Variants in SMAD9 observed in about 807,000 individuals in gnomAD.
SMAD9 encodes SMAD family member 9.
In SMAD9, 36 loss-of-function variants were observed where a neutral mutation model predicts 46.1. That is an observed-to-expected ratio of 0.78 (90% CI 0.60 to 1.03). The LOEUF (loss-of-function observed/expected upper bound fraction) is 1.03, where lower values mean the gene tolerates loss of function less well. Among genes scored for constraint, SMAD9 ranks in the 50% least tolerant of loss-of-function variants. The pLI, the probability that SMAD9 is intolerant of heterozygous loss-of-function variation, is 0.00. For synonymous variants in SMAD9, 245 were observed against 237.1 expected, an observed-to-expected ratio of 1.03 and a Z score of -0.31; for missense variants, 572 against 599.8, an observed-to-expected ratio of 0.95 and a Z score of 0.48.
At chr13:36,858,896 G>A (rs1342082390) in intron 5 of SMAD9, among the ~76,000 whole-genome samples, 1 of 152,056 alleles carries the variant, frequency 6.6e-6, no homozygotes. Context: ...ATTTTTTGTA[G>A]TGACAGGGTC....
At chr13:36,875,696 C>A (rs2058340012) in intron 2 of SMAD9, among the ~76,000 whole-genome samples, 1 of 152,176 alleles carries the variant, frequency 6.6e-6, no homozygotes, top group Non-Finnish European at 1.5e-5. Context: ...ACACTCACTT[C>A]TTTATGAAGA....
chr13:36,919,956 A>C (rs550375290), intron 1 of SMAD9, among the ~76,000 whole-genome samples, 160 bp downstream of exon 1: 331 of 150,914 alleles, frequency 2.2e-3, no homozygotes, highest in African/African-American at 7.4e-3. Context: ...CCTCCACTCA[A>C]TGCGCTCACA....
At position 36,884,728 on chromosome 13, in the gene SMAD9, T is replaced by C. The variant is rs75969572; in HGVS notation, c.-186-4853A>G. 2.8e-4 allele frequency among the ~76,000 whole-genome samples: 43 copies of C among 152,338 alleles called. No individual in the cohort carries two copies. The East Asian group carries it at 8.3e-3, about 29-fold the overall frequency. ...TTACTGAAGATGATTTCCACTCAGT[T>C]GGTCTCCTTGGAAGGTTCAGTTGGT... On this transcript the variant is annotated intron_variant, in intron 1 of 6. Transcript: ENST00000379826.
At chr13:36,863,738 T>C (rs1182561779) in intron 5 of SMAD9, among the ~76,000 whole-genome samples, 1 of 152,106 alleles carries the variant, frequency 6.6e-6, no homozygotes, top group Non-Finnish European at 1.5e-5. Flanking sequence ...TCTTCCCAGG[T>C]GACACACAGG....
At chr13:36,865,249 A>T (rs1010163520) in intron 5 of SMAD9, among the ~76,000 whole-genome samples, 6 of 152,288 alleles carry the variant, frequency 3.9e-5, no homozygotes, top group Admixed American at 2.0e-4. Flanking sequence ...CTATTTAATA[A>T]TTTCATCCGG....
At chr13:36,919,518 G>A (rs1488071823) in intron 1 of SMAD9, among the ~76,000 whole-genome samples, 2 of 152,144 alleles carry the variant, frequency 1.3e-5, no homozygotes, top group East Asian at 1.9e-4. Context: ...CGAAACAGAA[G>A]GCAAGTGAGG....
intron 5 of SMAD9, among the ~76,000 whole-genome samples, chr13:36,860,646 G>C (rs993212455): frequency 4.0e-5 from 6 of 151,606 alleles, no homozygotes; most frequent in African/African-American, 1.5e-4. Context: ...GTAGAGACGG[G>C]GTTTCAGTGT....
chr13:36,880,259 CTT>C (rs1476659113), intron 1 of SMAD9, among the ~76,000 whole-genome samples: 1 of 152,140 alleles, frequency 6.6e-6, no homozygotes, highest in Non-Finnish European at 1.5e-5. Flanking sequence ...TAGCATCTCT[CTT>C]TCTCTCTTTC....
At chr13:36,890,031 T>A (rs1315042140) in intron 1 of SMAD9, among the ~76,000 whole-genome samples, 1 of 152,202 alleles carries the variant, frequency 6.6e-6, no homozygotes, top group Non-Finnish European at 1.5e-5. Flanking sequence ...AAAATCTGAT[T>A]CACAGACAGC....
chr13:36,879,401 G>A lies in SMAD9; in HGVS notation c.289C>T (p.Arg97Cys), dbSNP rs1483291649. The change falls in exon 2 of 7, where the codon CGC becomes TGC. Residue 97 changes from arginine (R) to cysteine (C), a missense_variant. Transcript: ENST00000379826. ...LPHVIYCRVW[R>C]WPDLQSHHEL... Reference sequence around the variant, plus strand: ...TGGTGGGACTGCAGATCCGGCCAGCGCCACACGCGACAGTAAATCACATGG... The same window carrying A: ...TGGTGGGACTGCAGATCCGGCCAGCACCACACGCGACAGTAAATCACATGG... The A allele has an allele frequency of 6.8e-6, 11 of 1,613,838 alleles. No homozygotes were observed. Among genetic ancestry groups the A allele is most frequent in the Admixed American group, 5.0e-5 (3 of 60,014 alleles).
intron 1 of SMAD9, among the ~76,000 whole-genome samples, chr13:36,894,084 T>C (rs928629421): frequency 6.6e-6 from 1 of 152,166 alleles, no homozygotes; most frequent in African/African-American, 2.4e-5. Context: ...AGAATTTTAA[T>C]CCATAACTAG....
Position 36,872,655 on chromosome 13 carries a change from G to A in SMAD9, c.670+3C>T, listed in dbSNP as rs369654836. 5.6e-6 allele frequency: 9 copies of A among 1,613,746 alleles called. No individual in the cohort carries two copies. Among genetic ancestry groups the A allele is most frequent in the Middle Eastern group, 1.6e-4 (1 of 6,084 alleles). ...TTCCCCACAGACCATAGTTCTTACT[G>A]ACCTGAGTGTTGATAGGGACTCTCT... On this transcript the variant is annotated splice_donor_region_variant and intron_variant, in intron 3 of 6. Transcript: ENST00000379826.
intron 1 of SMAD9, among the ~76,000 whole-genome samples, chr13:36,904,287 A>ATTC (rs1269266015): frequency 6.6e-6 from 1 of 152,234 alleles, no homozygotes; most frequent in Non-Finnish European, 1.5e-5. Flanking sequence ...GGTGGGAGTT[A>ATTC]GATATGCGAC....
At chr13:36,901,366 T>C (rs1037076522) in intron 1 of SMAD9, among the ~76,000 whole-genome samples, 1 of 152,118 alleles carries the variant, frequency 6.6e-6, no homozygotes, top group Admixed American at 6.5e-5. Flanking sequence ...GTTTTTATTA[T>C]AGCATCTTAG....
In SMAD9 at chr13:36,852,132, A is replaced by C. The variant is rs2058079667; in HGVS notation, c.1260+1287T>G. The C allele has an allele frequency of 3.1e-6, 3 of 969,368 alleles. No homozygotes were observed. In the African/African-American group the frequency reaches 5.3e-5, roughly 17 times the overall value. 60.0% of individuals were successfully genotyped at this position (969,368 alleles called of 1,614,324 possible). On this transcript the variant is annotated intron_variant, in intron 6 of 6. Coordinates refer to ENST00000379826, the MANE Select transcript of SMAD9 (RefSeq NM_001127217.3). ...GCTTTGTCACCATGAAAGAGAAATA[A>C]TTTCAAGCAGCTGTTTTTTAAAATT...
At position 36,872,839 on chromosome 13, in the gene SMAD9, G is replaced by C; in HGVS notation, c.489C>G (p.Ala163=). The C allele has an allele frequency of 3.1e-6, 5 of 1,614,126 alleles. No homozygotes were observed. The highest frequency in any genetic ancestry group is 4.2e-6 in the Non-Finnish European group (5 of 1,180,022). The change falls in exon 3 of 7, where the codon GCC becomes GCG. Residue 163 remains alanine (A), a synonymous_variant. Coordinates refer to ENST00000379826, the MANE Select transcript of SMAD9 (RefSeq NM_001127217.3). The part of the protein sequence containing the change: ...QLSLLAKFRS[A]SLHSEPLMPH... ...GCATGAGTGGCTCACTGTGCAGGGA[G>C]GCGCTGCGGAACTTGGCCAGGAGGC... is the stretch of plus-strand genomic sequence containing the variant.
intron 5 of SMAD9, among the ~76,000 whole-genome samples, chr13:36,857,355 G>T (rs115969473): frequency 1.3e-5 from 2 of 152,180 alleles, no homozygotes; most frequent in Non-Finnish European, 2.9e-5. Context: ...AGGAAGTACT[G>T]CCTGAGATCA....
intron 1 of SMAD9, among the ~76,000 whole-genome samples, chr13:36,912,971 T>C (rs1435554779): frequency 6.6e-6 from 1 of 152,226 alleles, no homozygotes; most frequent in African/African-American, 2.4e-5. Context: ...TCGTATAAAA[T>C]GGTATATTTG....
chr13:36,889,765 T>C (rs1024965011), intron 1 of SMAD9, among the ~76,000 whole-genome samples: 6 of 152,140 alleles, frequency 3.9e-5, no homozygotes, highest in African/African-American at 1.2e-4. Context: ...TTACAAAATG[T>C]AGATCCTTAG....
Sources: gnomAD v4.1 joint callset for allele counts (sites outside exome capture counted in the v4.1 genomes callset) on GRCh38, gnomAD v4.1.1 for gene constraint, MANE v1.5 for transcripts, NCBI Gene and HGNC (gene_info 2026-07-23, HGNC 2026-07-21) for gene names.